GLRA2: variants seen among roughly 807,000 people sequenced by gnomAD.
GLRA2 encodes glycine receptor subunit alpha-2.
A neutral mutation model predicts 31.6 loss-of-function variants in GLRA2; 11 were observed. The observed-to-expected ratio is 0.35, with a 90% CI of 0.22 to 0.58. The LOEUF (loss-of-function observed/expected upper bound fraction) is 0.58, where lower values mean the gene tolerates loss of function less well. Among genes scored for constraint, GLRA2 ranks in the 20% least tolerant of loss-of-function variants. GLRA2 has a pLI of 0.84. For missense variants in GLRA2, 212 were observed against 351.8 expected, an observed-to-expected ratio of 0.60 and a Z score of 3.18; for synonymous variants, 132 against 134.0, an observed-to-expected ratio of 0.99 and a Z score of 0.10.
At chrX:14,714,142 T>C (rs1054165804) in intron 8 of GLRA2, among the ~76,000 whole-genome samples, 2 of 110,775 alleles carry the variant, frequency 1.8e-5, no homozygotes, top group African/African-American at 6.6e-5. Flanking sequence ...ACTAGATATA[T>C]TGCATAGCCC....
At chrX:14,635,477 T>C (rs1357632657) in intron 7 of GLRA2, among the ~76,000 whole-genome samples, 1 of 111,840 alleles carries the variant, frequency 8.9e-6, no homozygotes, top group Non-Finnish European at 1.9e-5. Flanking sequence ...AAGCAAATAG[T>C]GCCACCATCC....
chrX:14,514,813 A>T, the GLRA2 span, among the ~76,000 whole-genome samples: 1 of 110,482 alleles, frequency 9.1e-6, no homozygotes, highest in Non-Finnish European at 1.9e-5. Flanking sequence ...TTTCTGCTTT[A>T]TTCCAGTGTG....
At chrX:14,509,219 T>C in the GLRA2 span, among the ~76,000 whole-genome samples, 1 of 112,625 alleles carries the variant, frequency 8.9e-6, no homozygotes, top group African/African-American at 3.2e-5. Context: ...TGTAATAGAT[T>C]GAAGAATAAA....
At chrX:14,685,205 G>A (rs190199126) in intron 7 of GLRA2, among the ~76,000 whole-genome samples, 4 of 111,529 alleles carry the variant, frequency 3.6e-5, no homozygotes, top group African/African-American at 1.3e-4. Flanking sequence ...ATGTGCTGCT[G>A]GATTCGGTTT....
intron 7 of GLRA2, among the ~76,000 whole-genome samples, chrX:14,610,680 T>C (rs2090387399): frequency 8.9e-6 from 1 of 112,113 alleles, no homozygotes; most frequent in South Asian, 3.7e-4. Context: ...TACAAACATA[T>C]ATTTTACAAT....
intron 4 of GLRA2, among the ~76,000 whole-genome samples, chrX:14,598,506 C>T (rs1341960254): frequency 8.9e-6 from 1 of 112,308 alleles, no homozygotes; most frequent in Non-Finnish European, 1.9e-5. Context: ...AGCCATGGCC[C>T]TAACTAGTTG....
intron 8 of GLRA2, among the ~76,000 whole-genome samples, chrX:14,713,205 T>C (rs1179743983): frequency 8.9e-6 from 1 of 112,155 alleles, no homozygotes; most frequent in Non-Finnish European, 1.9e-5. Context: ...GTTATTATTG[T>C]TTTGAGTTTA....
intron 8 of GLRA2, among the ~76,000 whole-genome samples, chrX:14,710,791 G>T (rs1171569003): frequency 9.0e-6 from 1 of 111,558 alleles, no homozygotes; most frequent in Non-Finnish European, 1.9e-5. Context: ...CTTCAATGTG[G>T]TTTACCCTCT....
intron 8 of GLRA2, among the ~76,000 whole-genome samples, chrX:14,729,928 AAGTC>A (rs758938987): frequency 8.9e-6 from 1 of 112,084 alleles, no homozygotes; most frequent in African/African-American, 3.2e-5. Context: ...GATTTTGGGA[AAGTC>A]AGTACTGAAT....
At chrX:14,572,937 A>T (rs2089902377) in intron 2 of GLRA2, among the ~76,000 whole-genome samples, 1 of 111,786 alleles carries the variant, frequency 8.9e-6, no homozygotes, top group Non-Finnish European at 1.9e-5. Context: ...GTTATACAAA[A>T]GTGTGCATAA....
intron 8 of GLRA2, among the ~76,000 whole-genome samples, chrX:14,729,934 G>T (rs1011973051): frequency 1.8e-5 from 2 of 111,880 alleles, no homozygotes; most frequent in Non-Finnish European, 3.8e-5. Context: ...GGGAAAGTCA[G>T]TACTGAATAT....
intron 2 of GLRA2, among the ~76,000 whole-genome samples, chrX:14,552,492 G>A (rs1401760225): frequency 8.9e-6 from 1 of 112,462 alleles, no homozygotes; most frequent in East Asian, 2.8e-4. Context: ...CCTTAGAGCT[G>A]GCAAGCTGTG....
chrX:14,530,756 G>A (rs2089244004), intron 1 of GLRA2, among the ~76,000 whole-genome samples: 3 of 111,639 alleles, frequency 2.7e-5, no homozygotes, highest in Admixed American at 9.6e-5. Context: ...ATTTTAAAAA[G>A]TGAGAAATTA....
chrX:14,682,565 T>A (rs906754065), intron 7 of GLRA2, among the ~76,000 whole-genome samples: 1 of 111,339 alleles, frequency 9.0e-6, no homozygotes, highest in Admixed American at 9.5e-5. Context: ...TTTTTTTTAA[T>A]TATACTTTAA....
chrX:14,539,224 T>G (rs772687904), intron 2 of GLRA2, among the ~76,000 whole-genome samples: 2 of 111,171 alleles, frequency 1.8e-5, no homozygotes, highest in South Asian at 7.7e-4. Context: ...TTGGATATTT[T>G]TCTTGGTGTG....
At chrX:14,594,242 C>T (rs2147080513) in intron 4 of GLRA2, among the ~76,000 whole-genome samples, 1 of 111,428 alleles carries the variant, frequency 9.0e-6, no homozygotes, top group South Asian at 3.8e-4. Context: ...AGCATGCTTA[C>T]ACGTGTTCTC....
intron 4 of GLRA2, among the ~76,000 whole-genome samples, chrX:14,596,725 C>G (rs779298832): frequency 9.0e-6 from 1 of 111,580 alleles, no homozygotes; most frequent in South Asian, 3.8e-4. Context: ...TTAAAACCTT[C>G]TCCTTTTTGT....
At chrX:14,579,452 C>T (rs1303063991) in intron 3 of GLRA2, among the ~76,000 whole-genome samples, 2 of 111,012 alleles carry the variant, frequency 1.8e-5, no homozygotes, top group African/African-American at 6.6e-5. Flanking sequence ...ACTTCAGCCT[C>T]CTGAGTAGCT....
chrX:14,720,984 G>C (rs2091857158), intron 8 of GLRA2, among the ~76,000 whole-genome samples: 1 of 109,569 alleles, frequency 9.1e-6, no homozygotes, highest in Non-Finnish European at 1.9e-5. Flanking sequence ...AAATTAGCCA[G>C]ACATGGTGGC....
Sources: gnomAD v4.1 joint callset for allele counts (sites outside exome capture counted in the v4.1 genomes callset) on GRCh38, gnomAD v4.1.1 for gene constraint, MANE v1.5 for transcripts, NCBI Gene and HGNC (gene_info 2026-07-23, HGNC 2026-07-21) for gene names.